The following PTPN2 variants were observed in gnomAD, a reference collection of about 807,000 sequenced individuals.
PTPN2 encodes tyrosine-protein phosphatase non-receptor type 2.
PTPN2 carries 19 observed loss-of-function variants against 57.3 expected under a neutral mutation model. That is an observed-to-expected ratio of 0.33 (90% CI 0.23 to 0.49). The LOEUF is 0.49. PTPN2 is among the 20% of genes least tolerant of loss of function. The pLI is 0.99. For synonymous variants in PTPN2, 153 were observed against 164.9 expected, an observed-to-expected ratio of 0.93 and a Z score of 0.55; for missense variants, 358 against 501.1, an observed-to-expected ratio of 0.71 and a Z score of 2.73.
intron 5 of PTPN2, among the ~76,000 whole-genome samples, chr18:12,825,396 C>G (rs2042415024): frequency 6.6e-6 from 1 of 151,988 alleles, no homozygotes. Flanking sequence ...CTCATTTGAC[C>G]TTCAGGACAG....
At chr18:12,835,568 G>A (rs944780964) in intron 3 of PTPN2, among the ~76,000 whole-genome samples, 4 of 151,808 alleles carry the variant, frequency 2.6e-5, no homozygotes, top group Admixed American at 1.3e-4. Context: ...TAGAGATGGG[G>A]TTTCACCGTG....
chr18:12,825,753 G>T (rs777375872), intron 5 of PTPN2, 57 bp downstream of exon 5: 274 of 1,491,954 alleles, frequency 1.8e-4, no homozygotes, highest in Middle Eastern at 2.4e-4. Flanking sequence ...TAATAATAAA[G>T]AATAATTCTT....
At chr18:12,822,587 G>C (rs1476604992) in intron 5 of PTPN2, among the ~76,000 whole-genome samples, 5 of 152,268 alleles carry the variant, frequency 3.3e-5, no homozygotes, top group Admixed American at 1.3e-4. Flanking sequence ...GAGGCGCAGG[G>C]CTTGCTTAGA....
chr18:12,807,814 T>G (rs947802594), intron 7 of PTPN2, among the ~76,000 whole-genome samples: 3 of 151,580 alleles, frequency 2.0e-5, no homozygotes, highest in African/African-American at 4.8e-5. Context: ...GGGGGCATAG[T>G]GAGAAACTGA....
At chr18:12,836,619 T>C (rs1287353371) in intron 3 of PTPN2, among the ~76,000 whole-genome samples, 172 bp downstream of exon 3, 4 of 152,260 alleles carry the variant, frequency 2.6e-5, no homozygotes, top group African/African-American at 9.6e-5. Context: ...TTATCTTAAA[T>C]ACTCAAAGCT....
At chr18:12,808,147 AC>A (rs1218207878) in intron 7 of PTPN2, among the ~76,000 whole-genome samples, 14 of 152,076 alleles carry the variant, frequency 9.2e-5, no homozygotes, top group Admixed American at 6.5e-4. Flanking sequence ...TGATCGTGCC[AC>A]TGTACACCAG....
chr18:12,855,339 T>G (rs2043549528), intron 2 of PTPN2, among the ~76,000 whole-genome samples: 1 of 151,920 alleles, frequency 6.6e-6, no homozygotes. Context: ...ACCATATTTA[T>G]ACAAAAGAGA....
intron 8 of PTPN2, among the ~76,000 whole-genome samples, chr18:12,794,702 A>G (rs2041100971): frequency 6.6e-6 from 1 of 152,126 alleles, no homozygotes; most frequent in African/African-American, 2.4e-5. Context: ...GTTCACTGCA[A>G]CCTCTGCCTC....
At chr18:12,863,308 A>C (rs968686721) in intron 1 of PTPN2, 1 of 152,068 alleles carries the variant, frequency 6.6e-6, no homozygotes, top group African/African-American at 2.4e-5. Context: ...AAATTTTTTT[A>C]ATTAGCTGGG....
At chr18:12,879,513 A>G (rs2145546429) in intron 1 of PTPN2, among the ~76,000 whole-genome samples, 1 of 152,350 alleles carries the variant, frequency 6.6e-6, no homozygotes, top group Admixed American at 6.5e-5. Context: ...CTTACTAAGC[A>G]CCTGATACTG....
At chr18:12,875,069 C>A (rs4263010) in intron 1 of PTPN2, among the ~76,000 whole-genome samples, 1 of 152,090 alleles carries the variant, frequency 6.6e-6, no homozygotes, top group Admixed American at 6.6e-5. Context: ...GGATTAAGGG[C>A]AGTGCAAGAT....
chr18:12,870,510 GTT>G (rs397953218), intron 1 of PTPN2, among the ~76,000 whole-genome samples: 1 of 54,404 alleles, frequency 1.8e-5, no homozygotes, highest in South Asian at 1.1e-3. Flanking sequence ...AAAGCGTGTT[GTT>G]TTTTTTTTTT....
chr18:12,800,508 A>G (rs1006445869), intron 8 of PTPN2, among the ~76,000 whole-genome samples: 8 of 152,172 alleles, frequency 5.3e-5, no homozygotes, highest in Non-Finnish European at 7.4e-5. Flanking sequence ...CTTGCAGTCT[A>G]AAACTACTGA....
In PTPN2 at chr18:12,884,235, T is replaced by G; in HGVS notation, c.-94A>C. ...GGGAGAGCGCTGGCGCTGCGGCGCA[T>G]GCGCGCTGCGCGCCGCGCCCCGCCC... On this transcript the variant is annotated 5_prime_UTR_variant, in exon 1 of 9. The change abolishes an upstream ATG in the 5' untranslated region. Transcript: ENST00000309660. The G allele has an allele frequency of 1.1e-6, 1 of 886,436 alleles. No homozygotes were observed. Among genetic ancestry groups the G allele is most frequent in the South Asian group, 2.5e-5 (1 of 39,524 alleles). The allele number at this position is 886,436 out of a possible 1,614,324, so 54.9% of individuals were successfully genotyped here.
intron 2 of PTPN2, chr18:12,840,636 A>C: frequency 6.7e-7 from 1 of 1,494,408 alleles, no homozygotes; most frequent in Non-Finnish European, 9.1e-7. Flanking sequence ...ACTGTCACTC[A>C]GGGAAGTCAA....
intron 2 of PTPN2, among the ~76,000 whole-genome samples, chr18:12,855,820 G>C (rs2145462065): frequency 1.3e-5 from 2 of 152,240 alleles, no homozygotes; most frequent in South Asian, 4.1e-4. Context: ...AAAATCCAGA[G>C]TTATTTTTTA....
chr18:12,877,190 A>G (rs949570088), intron 1 of PTPN2, among the ~76,000 whole-genome samples: 1 of 152,172 alleles, frequency 6.6e-6, no homozygotes, highest in Non-Finnish European at 1.5e-5. Context: ...TGAGCATCTA[A>G]CATGTTTCAG....
intron 4 of PTPN2, 89 bp from the exon 5 acceptor site, chr18:12,826,033 T>C (rs1034866921): frequency 3.8e-6 from 4 of 1,054,478 alleles, no homozygotes; most frequent in Non-Finnish European, 5.4e-6. Flanking sequence ...ACCAGATATA[T>C]ACATGCTATA....
At chr18:12,791,726 T>C (rs1379616454), downstream of PTPN2, among the ~76,000 whole-genome samples, 3 of 151,852 alleles carry the variant, frequency 2.0e-5, no homozygotes, top group African/African-American at 4.8e-5. Flanking sequence ...TACCAACAAG[T>C]GTTCATCACA....
Sources: allele counts gnomAD v4.1 joint callset (sites outside exome capture counted in the v4.1 genomes callset), GRCh38; gene constraint gnomAD v4.1.1; transcripts MANE v1.5; gene names NCBI Gene and HGNC (gene_info 2026-07-23, HGNC 2026-07-21).